ADAMTS6: variants seen among roughly 807,000 people sequenced by gnomAD.
The protein encoded by ADAMTS6 is ADAM metallopeptidase with thrombospondin type 1 motif 6.
A neutral mutation model predicts 144.3 loss-of-function variants in ADAMTS6; 23 were observed. The observed-to-expected ratio is 0.16, with a 90% confidence interval of 0.11 to 0.23. The LOEUF (loss-of-function observed/expected upper bound fraction) is 0.23. Among genes scored for constraint, ADAMTS6 ranks in the 10% least tolerant of loss-of-function variants. ADAMTS6 has a pLI of 1.00. For missense variants in ADAMTS6, 999 were observed against 1,379.6 expected, an observed-to-expected ratio of 0.72 and a Z score of 4.37; for synonymous variants, 444 against 457.5, an observed-to-expected ratio of 0.97 and a Z score of 0.38.
chr5:65,321,708 C>CTTT (rs529236363), intron 9 of ADAMTS6, among the ~76,000 whole-genome samples: 993 of 78,892 alleles, frequency 0.013, 9 homozygotes, highest in East Asian at 0.026. Context: ...TTTTCTTTTC[C>CTTT]TTTTTTTTTT....
Position 65,334,034 on chromosome 5 carries a change from A to AAAAAT in ADAMTS6, c.1117+7_1117+8insATTTT. On this transcript the variant is annotated splice_region_variant and intron_variant, in intron 8 of 24. Transcript: ENST00000381055. ...AAAAAAAAAAAAAAAAAACCAAAAA[A>AAAAAT]AACTTACCCAGTGTTCCACAGGGCT... The AAAAAT allele has an allele frequency of 7.0e-7, 1 of 1,438,110 alleles. No homozygotes were observed. The highest frequency in any genetic ancestry group is 9.1e-7 in the Non-Finnish European group (1 of 1,097,954). 89.1% of individuals were successfully genotyped at this position (1,438,110 alleles called of 1,614,324 possible).
At position 65,273,420 on chromosome 5, in the gene ADAMTS6, T is replaced by C. The variant is rs1762209566; in HGVS notation, c.1540A>G (p.Ser514Gly). 6.2e-7 allele frequency: 1 copy of C among 1,613,866 alleles called. No individual in the cohort carries two copies. The highest frequency in any genetic ancestry group is 8.5e-7 in the Non-Finnish European group (1 of 1,179,830). Reference protein sequence around the residue: ...GEVCRELWCLSKSNRCVTNSI... With the variant: ...GEVCRELWCLGKSNRCVTNSI... ...TTGGTGACACAGCGGTTGCTTTTGC[T>C]GAGACACCAGAGCTCTCTACACACT... The change falls in exon 12 of 25, where the codon AGC (serine) becomes GGC (glycine). Residue 514 changes from serine (S) to glycine (G), a missense_variant. By Grantham distance (56) the Ser-to-Gly change is moderately conservative. Around this residue, in one of 3 missense-constraint regions of ADAMTS6, gnomAD observed 619 missense variants for 837.0 expected, o/e 0.74. Coordinates refer to ENST00000381055, the MANE Select transcript of ADAMTS6 (RefSeq NM_197941.4).
intron 21 of ADAMTS6, among the ~76,000 whole-genome samples, chr5:65,189,284 T>C (rs2112181604): frequency 6.6e-6 from 1 of 152,292 alleles, no homozygotes; most frequent in East Asian, 1.9e-4. Context: ...GACACATTAA[T>C]TAGTCTAAGG....
rs1750621130 is a variant in ADAMTS6 at position 65,369,342 on chromosome 5, A to G, written c.1074-35257T>C. ...GGCTAGGGCAGAGTAGACTATAGAC[A>G]TTATTATTCTAAACCATATAATAGG... is the stretch of plus-strand genomic sequence containing the variant. On this transcript the variant is annotated intron_variant, in intron 7 of 24. Coordinates refer to ENST00000381055, the MANE Select transcript of ADAMTS6 (RefSeq NM_197941.4). 2.0e-5 allele frequency among the ~76,000 whole-genome samples: 3 copies of G among 152,360 alleles called. No homozygotes were observed. The South Asian group carries it at 6.2e-4, about 32-fold the overall frequency.
At chr5:65,301,309 A>G (rs1743350316) in intron 9 of ADAMTS6, among the ~76,000 whole-genome samples, 1 of 152,188 alleles carries the variant, frequency 6.6e-6, no homozygotes, top group African/African-American at 2.4e-5. Flanking sequence ...ATTACTAAGA[A>G]AATAAATTTA....
intron 7 of ADAMTS6, among the ~76,000 whole-genome samples, chr5:65,433,460 T>C (rs1757149423): frequency 2.6e-5 from 4 of 152,190 alleles, no homozygotes; most frequent in Admixed American, 2.6e-4. Context: ...TTATGCAGCA[T>C]ATCTATTGAA....
rs1761321411 is a variant in ADAMTS6, at chr5:65,262,906, C to T, written c.1677G>A (p.Gly559=). Residue 559 remains glycine, a synonymous_variant, in exon 13 of 25, where the codon GGG becomes GGA. Transcript: ENST00000381055. ...PFGTWPQSID[G]GWGPWSLWGE... ...CCCATAGTGACCAGGGACCCCAGCC[C>T]CCATCTATGCTCTGGGGCCAAGTGC... is the stretch of plus-strand genomic sequence containing the variant. The T allele has an allele frequency of 6.2e-7, 1 of 1,613,340 alleles. No individual in the cohort carries two copies. Among genetic ancestry groups the T allele is most frequent in the East Asian group, 2.2e-5 (1 of 44,720 alleles).
At chr5:65,350,556 T>G (rs985513362) in intron 7 of ADAMTS6, among the ~76,000 whole-genome samples, 2 of 152,296 alleles carry the variant, frequency 1.3e-5, no homozygotes, top group East Asian at 3.9e-4. Context: ...CTACATTTTT[T>G]ATTCATATTT....
intron 5 of ADAMTS6, 135 bp downstream of exon 5, chr5:65,452,572 C>A: frequency 2.4e-6 from 2 of 822,090 alleles, no homozygotes; most frequent in Non-Finnish European, 1.8e-6. Flanking sequence ...GGAACTGAAA[C>A]ATTACTAGAC....
At chr5:65,335,259 C>A (rs1013105828) in intron 7 of ADAMTS6, among the ~76,000 whole-genome samples, 1 of 152,058 alleles carries the variant, frequency 6.6e-6, no homozygotes, top group African/African-American at 2.4e-5. Context: ...TTTTCTTTTC[C>A]TCTTGCATAA....
chr5:65,463,545 C>T (rs1225732372), intron 3 of ADAMTS6, among the ~76,000 whole-genome samples: 3 of 151,676 alleles, frequency 2.0e-5, no homozygotes, highest in Non-Finnish European at 4.4e-5. Context: ...TTCACCTTTA[C>T]ACTATCTGCC....
intron 7 of ADAMTS6, among the ~76,000 whole-genome samples, chr5:65,389,654 T>G (rs1239248597): frequency 6.6e-6 from 1 of 151,880 alleles, no homozygotes; most frequent in Non-Finnish European, 1.5e-5. Flanking sequence ...TAGTAAAATT[T>G]AGTACCCATC....
At chr5:65,209,410 T>C (rs1257336762) in intron 20 of ADAMTS6, among the ~76,000 whole-genome samples, 1 of 152,230 alleles carries the variant, frequency 6.6e-6, no homozygotes, top group Non-Finnish European at 1.5e-5. Flanking sequence ...GAGGAAGAGT[T>C]ACAGCAGTAT....
chr5:65,416,356 T>C (rs1421248825), intron 7 of ADAMTS6: 3 of 152,464 alleles, frequency 2.0e-5, no homozygotes, highest in South Asian at 4.1e-4. Flanking sequence ...TGTAAAATAA[T>C]GCAGTCACTT....
At chr5:65,157,282 A>G (rs1752485371) in intron 24 of ADAMTS6, among the ~76,000 whole-genome samples, 1 of 152,250 alleles carries the variant, frequency 6.6e-6, no homozygotes, top group Non-Finnish European at 1.5e-5. Context: ...CTTTACATTA[A>G]TCTTTCAAAA....
chr5:65,163,115 G>T (rs1476580361), intron 24 of ADAMTS6, among the ~76,000 whole-genome samples: 1 of 152,068 alleles, frequency 6.6e-6, no homozygotes, highest in Non-Finnish European at 1.5e-5. Context: ...TCACTATGCT[G>T]CCCAGCATGG....
At chr5:65,189,307 G>A (rs1231146387) in intron 21 of ADAMTS6, among the ~76,000 whole-genome samples, 1 of 152,158 alleles carries the variant, frequency 6.6e-6, no homozygotes, top group South Asian at 2.1e-4. Context: ...TGTAACTCAT[G>A]ATCTAAATCA....
At chr5:65,243,829 A>C (rs999879251) in intron 14 of ADAMTS6, among the ~76,000 whole-genome samples, 4 of 152,162 alleles carry the variant, frequency 2.6e-5, no homozygotes, top group Non-Finnish European at 4.4e-5. Flanking sequence ...AACAAAAAAA[A>C]CAAACAAATA....
intron 20 of ADAMTS6, chr5:65,198,498 G>A (rs1329362933): frequency 6.0e-6 from 1 of 167,028 alleles, no homozygotes; most frequent in Non-Finnish European, 1.5e-5. Flanking sequence ...CTGCAGGTGG[G>A]AGTGCCTCCG....
Sources: allele counts gnomAD v4.1 joint callset (sites outside exome capture counted in the v4.1 genomes callset), GRCh38; gene constraint gnomAD v4.1.1; regional missense constraint gnomAD v4.1.1; transcripts MANE v1.5; gene names NCBI Gene and HGNC (gene_info 2026-07-23, HGNC 2026-07-21).